Variants in MYO1E observed in about 807,000 individuals in gnomAD.
MYO1E encodes the protein myosin IE, also known as unconventional myosin-Ie.
In MYO1E, 68 loss-of-function variants were observed where a neutral mutation model predicts 151.1. That is an observed-to-expected ratio of 0.45 (90% confidence interval 0.37 to 0.55). MYO1E has a LOEUF of 0.55. Among genes scored for constraint, MYO1E ranks in the 20% least tolerant of loss-of-function variants. The probability of loss-of-function intolerance (pLI) is 0.00; values close to 1 mark genes in which losing one functional copy is unlikely to be tolerated. For synonymous variants in MYO1E, 601 were observed against 501.7 expected (o/e 1.20, Z -2.64); for missense variants, 1,363 against 1,389.3 (o/e 0.98, Z 0.30).
intron 4 of MYO1E, among the ~76,000 whole-genome samples, chr15:59,248,408 C>T (rs1179309705): frequency 1.4e-5 from 2 of 148,058 alleles, no homozygotes; most frequent in African/African-American, 5.1e-5. Flanking sequence ...ATCGCTTGAA[C>T]CCGGGGGGAT....
At chr15:59,164,961 G>C (rs1175456087) in intron 22 of MYO1E, among the ~76,000 whole-genome samples, 1 of 152,132 alleles carries the variant, frequency 6.6e-6, no homozygotes, top group Non-Finnish European at 1.5e-5. Flanking sequence ...TTACAGAAGA[G>C]GTATGACAGA....
intron 1 of MYO1E, among the ~76,000 whole-genome samples, chr15:59,314,160 C>A (rs1274021384): frequency 6.6e-6 from 1 of 152,238 alleles, no homozygotes; most frequent in Middle Eastern, 3.4e-3. Flanking sequence ...GAGGTGGGCT[C>A]CAGAATCCTT....
chr15:59,167,417 C>A (rs1398337746), intron 22 of MYO1E, among the ~76,000 whole-genome samples: 1 of 152,138 alleles, frequency 6.6e-6, no homozygotes, highest in Non-Finnish European at 1.5e-5. Flanking sequence ...AATAGCAAAG[C>A]CAAGAACATG....
At chr15:59,257,801 T>G (rs1431940634) in intron 3 of MYO1E, among the ~76,000 whole-genome samples, 1 of 152,158 alleles carries the variant, frequency 6.6e-6, no homozygotes, top group African/African-American at 2.4e-5. Context: ...CCAGAATATG[T>G]GATCTCTGCC....
At chr15:59,323,856 G>A (rs79869084) in intron 1 of MYO1E, among the ~76,000 whole-genome samples, 1,993 of 151,968 alleles carry the variant, frequency 0.013, 42 homozygotes, top group African/African-American at 0.045. Context: ...GCCCCTGGGG[G>A]GCTGTCACCT....
In MYO1E at chr15:59,350,678, T is replaced by C. The variant is rs1283617369; in HGVS notation, c.3+21820A>G. Among the ~76,000 whole-genome samples, 1 of 152,142 alleles carries C rather than the reference T, an allele frequency of 6.6e-6. No homozygotes were observed. The highest frequency in any genetic ancestry group is 2.4e-5 in the African/African-American group (1 of 41,440). ...TCTGAAAAATATAAAGAAATGTAAA[T>C]TATCTCTGATCTCAAGAGGCTTACA... On this transcript the variant is annotated intron_variant, in intron 1 of 27. Transcript: ENST00000288235. This position sits in a 1 kb window ranked among gnomAD's most constrained non-coding sequence, Gnocchi z 5.0.
intron 1 of MYO1E, among the ~76,000 whole-genome samples, chr15:59,298,137 G>C (rs1277947370): frequency 1.3e-5 from 2 of 152,162 alleles, no homozygotes; most frequent in African/African-American, 4.8e-5. Flanking sequence ...CAAATGCAAA[G>C]TGATTTGTGG....
In MYO1E at chr15:59,197,263, G is replaced by C. The variant is rs528395070; in HGVS notation, c.1699-1696C>G. Among the ~76,000 whole-genome samples the C allele has an allele frequency of 1.2e-4, 19 of 152,252 alleles. No individual in the cohort carries two copies. In the South Asian group the frequency reaches 3.7e-3, roughly 30 times the overall value. ...CCGCCTCAGCCTCTCAAAGTGCTGG[G>C]ATTACAGGCGTGAGCCACTGTGCCC... On this transcript the variant is annotated intron_variant, in intron 16 of 27. Transcript: ENST00000288235.
rs1218776401 is a variant in MYO1E at position 59,138,207 on chromosome 15, T to C, written c.3241A>G (p.Ile1081Val). 6.2e-7 allele frequency: 1 copy of C among 1,614,218 alleles called. No individual in the cohort carries two copies. Among genetic ancestry groups the C allele is most frequent in the South Asian group, 1.1e-5 (1 of 91,086 alleles). ...CCAGCCACACACTTACCTTCTTTGA[T>C]AATATCAATAATGTCATTGGCATTA... ...SFNANDIIDI[I>V]KEDPSGWWTG... Residue 1081 changes from isoleucine (I) to valine (V), a missense_variant, in exon 27 of 28, where the codon ATC (isoleucine) becomes GTC (valine). Transcript: ENST00000288235.
rs1384309519 is a variant in MYO1E at position 59,218,418 on chromosome 15, C to T, written c.911-331G>A. ...TCAAATGCCTAAAATGGACATCTCTCCAAGCTTCCAGCACGACAGCCAGGA... is the reference window on the plus strand; with the variant it reads ...TCAAATGCCTAAAATGGACATCTCTTCAAGCTTCCAGCACGACAGCCAGGA... On this transcript the variant is annotated intron_variant, in intron 9 of 27. Coordinates refer to ENST00000288235, the MANE Select transcript of MYO1E (RefSeq NM_004998.4). 14 of 429,006 alleles carry T rather than the reference C, an allele frequency of 3.3e-5. No homozygotes were observed. In the Admixed American group the frequency reaches 4.6e-4, roughly 14 times the overall value. The allele number at this position is 429,006 out of a possible 1,614,324, so 26.6% of individuals were successfully genotyped here. A position where few individuals can be genotyped will look rare whatever the true frequency, so the allele number is the denominator to read the frequency against.
chr15:59,262,340 G>A (rs2080228939), intron 2 of MYO1E, among the ~76,000 whole-genome samples: 1 of 152,196 alleles, frequency 6.6e-6, no homozygotes, highest in South Asian at 2.1e-4. Flanking sequence ...CTGGCCAGGT[G>A]CAGTGGCTCA....
At chr15:59,308,644 C>G (rs1416123839) in intron 1 of MYO1E, among the ~76,000 whole-genome samples, 2 of 146,414 alleles carry the variant, frequency 1.4e-5, no homozygotes, top group African/African-American at 5.1e-5. Context: ...TGCTCTCCAG[C>G]CTGGGTGACA....
intron 4 of MYO1E, among the ~76,000 whole-genome samples, chr15:59,254,600 G>A (rs1395197129): frequency 6.6e-6 from 1 of 152,088 alleles, no homozygotes; most frequent in Non-Finnish European, 1.5e-5. Context: ...AGTGCAAAAT[G>A]GATAATAGAT....
intron 26 of MYO1E, among the ~76,000 whole-genome samples, chr15:59,144,778 A>T (rs758442791): frequency 6.6e-6 from 1 of 152,154 alleles, no homozygotes; most frequent in Non-Finnish European, 1.5e-5. Flanking sequence ...ACAGCCTCGA[A>T]AACCCAGGCA....
At chr15:59,151,534 G>A (rs1298035694) in intron 26 of MYO1E, among the ~76,000 whole-genome samples, 2 of 152,246 alleles carry the variant, frequency 1.3e-5, no homozygotes, top group African/African-American at 2.4e-5. Flanking sequence ...ATGCTGCTAG[G>A]AGAGAACATG....
At chr15:59,219,341 C>A (rs4775132) in intron 9 of MYO1E, among the ~76,000 whole-genome samples, 148,022 of 152,346 alleles carry the variant, frequency 0.97, 72,062 homozygotes, top group East Asian at 1. Flanking sequence ...AGATGCAATG[C>A]AAATTTTGAA....
intron 1 of MYO1E, among the ~76,000 whole-genome samples, chr15:59,345,669 G>C (rs1435350865): frequency 6.6e-6 from 1 of 152,180 alleles, no homozygotes; most frequent in Admixed American, 6.5e-5. Context: ...CAAAGAGAGA[G>C]GTACCAGGAA....
In MYO1E at chr15:59,272,900, T is replaced by C. The variant is rs541968922; in HGVS notation, c.4-451A>G. On this transcript the variant is annotated intron_variant, in intron 1 of 27. Transcript: ENST00000288235. ...ACGACATAGAAACTTTCTAGTCTTG[T>C]TTTGCAAACTACATGACAGAATCCA... Among the ~76,000 whole-genome samples, 31 of 152,282 alleles carry C rather than the reference T, an allele frequency of 2.0e-4. No homozygotes were observed. The East Asian group carries it at 5.8e-3, about 28-fold the overall frequency.
intron 1 of MYO1E, among the ~76,000 whole-genome samples, chr15:59,281,601 C>T (rs2080353761): frequency 6.6e-6 from 1 of 152,078 alleles, no homozygotes; most frequent in African/African-American, 2.4e-5. Context: ...ACATACACCA[C>T]ACCATATTGC....
Sources: allele counts gnomAD v4.1 joint callset (sites outside exome capture counted in the v4.1 genomes callset), GRCh38; gene constraint gnomAD v4.1.1; non-coding constraint Gnocchi (gnomAD v3.1); transcripts MANE v1.5; gene names NCBI Gene and HGNC (gene_info 2026-07-23, HGNC 2026-07-21).